The following DHX8 variants were observed in gnomAD, a reference collection of about 807,000 sequenced individuals.
DHX8 encodes the protein ATP-dependent RNA helicase DHX8.
In DHX8, 67 loss-of-function variants were observed where a neutral mutation model predicts 140.7. The observed-to-expected ratio is 0.48, with a 90% CI of 0.39 to 0.58. The LOEUF is 0.58. Ranked by LOEUF, DHX8 falls within the 20% of genes least tolerant of loss-of-function variation. The probability of loss-of-function intolerance (pLI) is 0.00; values close to 1 mark genes in which losing one functional copy is unlikely to be tolerated. For missense variants in DHX8, 887 were observed against 1,550.7 expected, an observed-to-expected ratio of 0.57 and a Z score of 7.19; for synonymous variants, 533 against 553.2, an observed-to-expected ratio of 0.96 and a Z score of 0.51.
intron 11 of DHX8, among the ~76,000 whole-genome samples, chr17:43,504,305 T>C (rs9908898): frequency 1 from 151,972 of 152,062 alleles, 75,941 homozygotes; most frequent in East Asian, 1. Flanking sequence ...CTGCAGTGAG[T>C]CAGGATTGCA....
At chr17:43,515,095 T>C (rs1970037972) in intron 17 of DHX8, among the ~76,000 whole-genome samples, 1 of 152,230 alleles carries the variant, frequency 6.6e-6, no homozygotes, top group East Asian at 1.9e-4. Flanking sequence ...TGTCTTAATC[T>C]TTTACAGTGG....
chr17:43,529,189 G>A (rs778173564), downstream of DHX8: 28 of 1,613,824 alleles, frequency 1.7e-5, no homozygotes, highest in East Asian at 2.0e-4. Flanking sequence ...TCAGCTTGTC[G>A]TAATTCATGG....
chr17:43,541,191 C>T (rs1971501889), intron 3 of DHX8, among the ~76,000 whole-genome samples: 1 of 152,178 alleles, frequency 6.6e-6, no homozygotes, highest in South Asian at 2.1e-4. Context: ...AAACACTGGC[C>T]TTCTCCCAAA....
intron 22 of DHX8, among the ~76,000 whole-genome samples, chr17:43,522,908 A>G (rs1970452677): frequency 6.6e-6 from 1 of 151,510 alleles, no homozygotes; most frequent in Admixed American, 6.6e-5. Context: ...TACTAAAAAT[A>G]CAAAGTTAGC....
intron 2 of DHX8, among the ~76,000 whole-genome samples, chr17:43,490,005 G>A (rs970105782): frequency 6.6e-6 from 1 of 151,468 alleles, no homozygotes; most frequent in African/African-American, 2.4e-5. Flanking sequence ...CCATTAAGTA[G>A]TGATGATTTA....
intron 3 of DHX8, chr17:43,543,773 G>A (rs1348446065): frequency 1.3e-5 from 2 of 152,154 alleles, no homozygotes; most frequent in African/African-American, 4.8e-5. Flanking sequence ...CACTCACACA[G>A]CCATTCAGCC....
chr17:43,529,175 C>G (rs765893929), downstream of DHX8: 1 of 1,613,814 alleles, frequency 6.2e-7, no homozygotes, highest in Non-Finnish European at 8.5e-7. Context: ...TCGGAGCGAG[C>G]GGCTCAGCTT....
intron 3 of DHX8, among the ~76,000 whole-genome samples, chr17:43,539,998 T>G (rs1197854784): frequency 6.6e-6 from 1 of 152,192 alleles, no homozygotes; most frequent in Non-Finnish European, 1.5e-5. Flanking sequence ...ATAATAATAC[T>G]TTGGTCTGAA....
intron 22 of DHX8, among the ~76,000 whole-genome samples, 181 bp from the exon 23 acceptor site, chr17:43,523,447 G>C (rs1970486131): frequency 6.6e-6 from 1 of 152,208 alleles, no homozygotes; most frequent in Non-Finnish European, 1.5e-5. Context: ...TGTGGTTAGA[G>C]GTGTGCGGGT....
chr17:43,496,123 CAAAA>C (rs955776373), intron 8 of DHX8, 54 bp from the exon 9 acceptor site: 1 of 1,403,102 alleles, frequency 7.1e-7, no homozygotes, highest in Non-Finnish European at 9.9e-7. Context: ...AACCAAAAAA[CAAAA>C]AAAAAGTTTT....
intron 1 of DHX8, among the ~76,000 whole-genome samples, chr17:43,484,562 A>G (rs1462192035): frequency 6.6e-6 from 1 of 152,050 alleles, no homozygotes; most frequent in Non-Finnish European, 1.5e-5. Context: ...CTCTTTATTG[A>G]CATTATTTTA....
At position 43,532,414 on chromosome 17, in the gene DHX8, G is replaced by A. The variant is rs953761162; in HGVS notation, c.351-3998G>A. ...CTCGGGAGGCTGAGGCACAAGAATCGCTTGAACCCGGTAGGCAGAGGTTGC... is the reference window on the plus strand; with the variant it reads ...CTCGGGAGGCTGAGGCACAAGAATCACTTGAACCCGGTAGGCAGAGGTTGC... On this transcript the variant is annotated intron_variant, in intron 2 of 3. Coordinates refer to the DHX8 transcript ENST00000589898. 2.6e-5 allele frequency among the ~76,000 whole-genome samples: 4 copies of A among 151,966 alleles called. No homozygotes were observed. In the East Asian group the frequency reaches 5.8e-4, roughly 22 times the overall value.
At chr17:43,514,458 C>A (rs993092981) in intron 17 of DHX8, among the ~76,000 whole-genome samples, 2 of 151,878 alleles carry the variant, frequency 1.3e-5, no homozygotes, top group Admixed American at 1.3e-4. Context: ...TTTTCTAGTA[C>A]CTTGCTTAGC....
At chr17:43,532,906 G>A (rs1194611496) in intron 2 of DHX8, 1 of 1,594,066 alleles carries the variant, frequency 6.3e-7, no homozygotes, top group East Asian at 2.2e-5. Context: ...ATGTGAAGGA[G>A]TGGCAAATGT....
At chr17:43,490,568 G>A (rs1056168111) in intron 3 of DHX8, 105 bp downstream of exon 3, 1 of 960,990 alleles carries the variant, frequency 1.0e-6, no homozygotes, top group East Asian at 2.5e-5. Context: ...GCAAGTAAAT[G>A]TTCCAGTAAG....
At chr17:43,531,418 C>T (rs899719737), downstream of DHX8, among the ~76,000 whole-genome samples, 2 of 152,188 alleles carry the variant, frequency 1.3e-5, no homozygotes, top group Non-Finnish European at 2.9e-5. Flanking sequence ...TTAAAGAAGT[C>T]CCTACTTCCT....
Position 43,491,214 on chromosome 17 carries a change from C to A in DHX8, c.357C>A (p.Phe119Leu). ...AAAAAGAAAAGCTGAAGGAACTCTT[C>A]CCAGTCCTTTGCCAACCGGACAACC... is the stretch of plus-strand genomic sequence containing the variant. The part of the protein sequence containing the change: ...KTEKEKLKEL[F>L]PVLCQPDNPS... Residue 119 changes from phenylalanine (F) to leucine (L), a missense_variant, in exon 4 of 23, where the codon TTC (phenylalanine) becomes TTA (leucine). Phe to Leu is a conservative substitution (Grantham distance 22). This residue lies in a region of DHX8 where 304 missense variants were observed against 306.9 expected (regional missense o/e 0.99). Coordinates refer to ENST00000262415, the MANE Select transcript of DHX8 (RefSeq NM_004941.3). The A allele has an allele frequency of 1.3e-6, 2 of 1,540,806 alleles. No homozygotes were observed. The highest frequency in any genetic ancestry group is 1.7e-6 in the Non-Finnish European group (2 of 1,143,690).
rs766800453 is a variant in DHX8, at chr17:43,523,621, C to T, written c.3444-7C>T. On this transcript the variant is annotated splice_polypyrimidine_tract_variant and splice_region_variant and intron_variant, in intron 22 of 22. Coordinates refer to ENST00000262415, the MANE Select transcript of DHX8 (RefSeq NM_004941.3). ...GAGGCTTGAGTACTATCTCTGTCCC[C>T]CCTCAGGGTGGTGTACCATGAGCTG... The T allele has an allele frequency of 7.4e-6, 12 of 1,613,956 alleles. No individual in the cohort carries two copies. Among genetic ancestry groups the T allele is most frequent in the Middle Eastern group, 1.7e-4 (1 of 6,042 alleles).
intron 10 of DHX8, 44 bp downstream of exon 10, chr17:43,499,003 T>C: frequency 6.8e-7 from 1 of 1,464,676 alleles, no homozygotes; most frequent in Non-Finnish European, 9.3e-7. Flanking sequence ...CAAGTGGACT[T>C]CTTTTTCTAA....
Sources: allele counts gnomAD v4.1 joint callset (sites outside exome capture counted in the v4.1 genomes callset), GRCh38; gene constraint gnomAD v4.1.1; regional missense constraint gnomAD v4.1.1; transcripts MANE v1.5; gene names NCBI Gene and HGNC (gene_info 2026-07-23, HGNC 2026-07-21).